PTCD1: variants seen among roughly 807,000 people sequenced by gnomAD.
PTCD1 encodes pentatricopeptide repeat-containing protein 1, mitochondrial.
Under a neutral mutation model 53.4 loss-of-function variants are expected in PTCD1, and 50 were observed. That is an observed-to-expected ratio of 0.94 (90% CI 0.75 to 1.19). The LOEUF (loss-of-function observed/expected upper bound fraction) is 1.19. Among genes scored for constraint, PTCD1 ranks in the 50% most tolerant of loss-of-function variants. The probability of loss-of-function intolerance (pLI) is 0.00; values close to 1 mark genes in which losing one functional copy is unlikely to be tolerated. For synonymous variants in PTCD1, 413 were observed against 394.8 expected, an observed-to-expected ratio of 1.05 and a Z score of -0.55; for missense variants, 918 against 904.8, an observed-to-expected ratio of 1.01 and a Z score of -0.19.
chr7:99,425,456 C>A lies in PTCD1; in HGVS notation c.1076G>T (p.Ser359Ile). The A allele has an allele frequency of 6.2e-7, 1 of 1,613,864 alleles. No individual in the cohort carries two copies. Among genetic ancestry groups the A allele is most frequent in the Non-Finnish European group, 8.5e-7 (1 of 1,179,974 alleles). ...EEATVLQPPV[S>I]RQRPRRTAQA... ...GGCTGTCCTCCTTGGCCGCTGCCTG[C>A]TCACTGGGGGCTGAAGCACAGTCGC... is the stretch of plus-strand genomic sequence containing the variant. The change falls in exon 6 of 8, where the codon AGC (serine) becomes ATC (isoleucine). Residue 359 changes from serine (S) to isoleucine (I), a missense_variant. Physicochemically the swap from Ser to Ile is moderately radical, Grantham distance 142. Transcript: ENST00000292478.
intron 1 of PTCD1, among the ~76,000 whole-genome samples, chr7:99,438,155 G>A (rs1342948011): frequency 6.6e-6 from 1 of 152,126 alleles, no homozygotes; most frequent in Non-Finnish European, 1.5e-5. Context: ...GCTGTATAGT[G>A]GCTCATGCCT....
chr7:99,421,688 G>C (rs60996680), intron 7 of PTCD1, among the ~76,000 whole-genome samples: 9,375 of 151,182 alleles, frequency 0.062, 854 homozygotes, highest in African/African-American at 0.2. Flanking sequence ...CTGGGCGGCA[G>C]AGGTTGCAGT....
Position 99,424,998 on chromosome 7 carries a change from C to G in PTCD1, c.1534G>C (p.Asp512His), listed in dbSNP as rs777645699. The G allele has an allele frequency of 8.1e-6, 13 of 1,614,216 alleles. No homozygotes were observed. In the South Asian group the frequency reaches 1.3e-4, roughly 16 times the overall value. ...PAESLLLALL[D>H]EHQVEADLTF... ...AGGTCGGCCTCTACCTGGTGCTCAT[C>G]CAGGAGGGCCAGCAGCAAGGACTCT... The change falls in exon 6 of 8, where the codon GAT becomes CAT. Residue 512 changes from aspartate to histidine, a missense_variant. By Grantham distance (81) the Asp-to-His change is moderately conservative (BLOSUM62 -1). Transcript: ENST00000292478.
In PTCD1 at chr7:99,424,820, C is replaced by G. The variant is rs201984331; in HGVS notation, c.1712G>C (p.Gly571Ala). Residue 571 changes from glycine (G) to alanine (A), a missense_variant, in exon 6 of 8, where the codon GGT (glycine) becomes GCT (alanine). Coordinates refer to ENST00000292478, the MANE Select transcript of PTCD1 (RefSeq NM_015545.4). The part of the protein sequence containing the change: ...LAIGCHRPKD[G>A]LQLLTDMKKS... ...CTTCATGTCTGTGAGAAGCTGTAGA[C>G]CGTCCTTCGGCCTGTGGCACCCGAT... 3.8e-5 allele frequency: 62 copies of G among 1,614,124 alleles called. No homozygotes were observed. Among genetic ancestry groups the G allele is most frequent in the Non-Finnish European group, 4.2e-6 (5 of 1,180,052 alleles).
chr7:99,420,240 T>C, intron 7 of PTCD1, 91 bp from the exon 8 acceptor site: 1 of 1,575,706 alleles, frequency 6.3e-7, no homozygotes, highest in Non-Finnish European at 8.7e-7. Context: ...GGGAAGCTGG[T>C]GGCTGCCATT....
intron 1 of PTCD1, among the ~76,000 whole-genome samples, chr7:99,436,967 T>TACCCTCCTACCTCAA (rs1796491098): frequency 1.3e-5 from 2 of 152,334 alleles, no homozygotes; most frequent in African/African-American, 4.8e-5. Flanking sequence ...TGGGCTCAAG[T>TACCCTCCTACCTCAA]GATCCTCCTA....
intron 5 of PTCD1, among the ~76,000 whole-genome samples, chr7:99,427,737 A>G (rs1796111325): frequency 6.6e-6 from 1 of 151,488 alleles, no homozygotes; most frequent in Admixed American, 6.6e-5. Context: ...GACATGGGAG[A>G]CTTTTCATTT....
At position 99,418,022 on chromosome 7, in the gene PTCD1, C is replaced by T. The variant is rs1795603148; in HGVS notation, c.*1945G>A. On this transcript the variant is annotated 3_prime_UTR_variant, in exon 8 of 8. Transcript: ENST00000292478. The stretch of plus-strand genomic sequence containing the variant: ...TTGCTTTGTCGCCCAGGCTGGAGTG[C>T]AGTGATGCCATCTTGGCTCACTGCA... 4.4e-6 allele frequency: 5 copies of T among 1,138,766 alleles called. No homozygotes were observed. The Admixed American group carries it at 1.8e-4, about 41-fold the overall frequency. The allele number at this position is 1,138,766 out of a possible 1,614,324, so 70.5% of individuals were successfully genotyped here.
At chr7:99,429,956 C>T in intron 3 of PTCD1, 150 bp from the exon 4 acceptor site, 1 of 1,006,646 alleles carries the variant, frequency 9.9e-7, no homozygotes, top group Non-Finnish European at 1.5e-6. Context: ...ACATCAGAGC[C>T]CAGCTCTCCA....
Position 99,417,980 on chromosome 7 carries a change from C to T in PTCD1, c.*1987G>A. 1 of 1,176,198 alleles carries T rather than the reference C, an allele frequency of 8.5e-7. No individual in the cohort carries two copies. Among genetic ancestry groups the T allele is most frequent in the Non-Finnish European group, 1.1e-6 (1 of 939,504 alleles). 72.9% of individuals were successfully genotyped at this position (1,176,198 alleles called of 1,614,324 possible). ...ACATTACCATCACTATCTTTCCCGC[C>T]CCCCCAAGACGGAGTCTTGCTTTGT... On this transcript the variant is annotated 3_prime_UTR_variant, in exon 8 of 8. Coordinates refer to ENST00000292478, the MANE Select transcript of PTCD1 (RefSeq NM_015545.4).
At chr7:99,424,571 G>A (rs889998410) in intron 6 of PTCD1, among the ~76,000 whole-genome samples, 3 of 152,200 alleles carry the variant, frequency 2.0e-5, no homozygotes, top group Admixed American at 6.5e-5. Context: ...TCTTCCGGAT[G>A]GGAACATCCG....
intron 3 of PTCD1, chr7:99,433,053 G>T: frequency 3.1e-6 from 2 of 636,002 alleles, no homozygotes; most frequent in Non-Finnish European, 5.4e-6. Context: ...TTTTTTTGAA[G>T]GGAAAAGAAA....
chr7:99,424,846 G>A lies in PTCD1; in HGVS notation c.1686C>T (p.Ala562=). The A allele has an allele frequency of 6.2e-7, 1 of 1,614,256 alleles. No homozygotes were observed. Among genetic ancestry groups the A allele is most frequent in the Non-Finnish European group, 8.5e-7 (1 of 1,180,054 alleles). The change falls in exon 6 of 8, where the codon GCC becomes GCT. Residue 562 remains alanine, a synonymous_variant. Transcript: ENST00000292478. ...VPNLQTFCNL[A]IGCHRPKDGL... The stretch of plus-strand genomic sequence containing the variant: ...CGTCCTTCGGCCTGTGGCACCCGAT[G>A]GCCAGGTTGCAGAATGTCTGCAGGT...
Position 99,423,948 on chromosome 7 carries a change from C to T in PTCD1, c.1747G>A (p.Val583Met), listed in dbSNP as rs1232538830. 4 of 1,613,964 alleles carry T rather than the reference C, an allele frequency of 2.5e-6. No individual in the cohort carries two copies. Among genetic ancestry groups the T allele is most frequent in the African/African-American group, 2.7e-5 (2 of 74,884 alleles). The part of the protein sequence containing the change: ...QLLTDMKKSQ[V>M]TPNTHIYSAL... The stretch of plus-strand genomic sequence containing the variant: ...CTGTAGATGTGAGTGTTGGGGGTCA[C>T]CTGGGACTTCTAGAACACAGGGACA... The change falls in exon 7 of 8, where the codon GTG (valine) becomes ATG (methionine). Residue 583 changes from valine (V) to methionine (M), a missense_variant. Transcript: ENST00000292478.
intron 7 of PTCD1, among the ~76,000 whole-genome samples, chr7:99,421,449 A>G (rs1337798947): frequency 1.0e-4 from 15 of 148,768 alleles, no homozygotes; most frequent in African/African-American, 3.5e-4. Flanking sequence ...AAAAAAAAAG[A>G]AAAAAGAAAA....
chr7:99,421,065 A>T (rs774052614), intron 7 of PTCD1, among the ~76,000 whole-genome samples: 21 of 152,178 alleles, frequency 1.4e-4, no homozygotes, highest in Non-Finnish European at 2.5e-4. Context: ...ACGAATATAA[A>T]CAAGTCCACC....
intron 1 of PTCD1, among the ~76,000 whole-genome samples, chr7:99,437,113 G>C (rs1271590667): frequency 6.6e-6 from 1 of 152,154 alleles, no homozygotes; most frequent in Non-Finnish European, 1.5e-5. Flanking sequence ...CAATCCTCCA[G>C]CCTTGGCCTC....
rs1795711676 is a variant in PTCD1 at position 99,419,683 on chromosome 7, C to A, written c.*284G>T. ...GGCGGGGCGGCCCAGGCCCCAGGGA[C>A]CAGATGCCCCAGCCCCCTTGTGGTG... On this transcript the variant is annotated 3_prime_UTR_variant, in exon 8 of 8. Transcript: ENST00000292478. 4.4e-6 allele frequency: 3 copies of A among 687,746 alleles called. No individual in the cohort carries two copies. The highest frequency in any genetic ancestry group is 2.9e-5 in the Admixed American group (1 of 34,426). 42.6% of individuals were successfully genotyped at this position (687,746 alleles called of 1,614,324 possible).
intron 3 of PTCD1, among the ~76,000 whole-genome samples, chr7:99,430,367 G>C (rs906739832): frequency 1.3e-5 from 2 of 152,224 alleles, no homozygotes; most frequent in Non-Finnish European, 2.9e-5. Flanking sequence ...GCCTCCAGGG[G>C]ACTAAGGCAT....
Sources: gnomAD v4.1 joint callset for allele counts (sites outside exome capture counted in the v4.1 genomes callset) on GRCh38, gnomAD v4.1.1 for gene constraint, MANE v1.5 for transcripts, NCBI Gene and HGNC (gene_info 2026-07-23, HGNC 2026-07-21) for gene names.